Variants in DNAH14 observed in about 807,000 individuals in gnomAD.
The protein encoded by DNAH14 is dynein axonemal heavy chain 14.
A neutral mutation model predicts 520.9 loss-of-function variants in DNAH14; 478 were observed. The observed-to-expected ratio is 0.92, with a 90% CI of 0.85 to 0.99. The LOEUF is 0.99. DNAH14 is among the 50% of genes least tolerant of loss of function. DNAH14 has a pLI of 0.00. For missense variants in DNAH14, 4,831 were observed against 5,234.5 expected (o/e 0.92, Z 2.38); for synonymous variants, 1,581 against 1,757.2 (o/e 0.90, Z 2.51).
At chr1:225,374,997 T>TAGTAGCTTTC (rs1453172818) in intron 78 of DNAH14, 112 bp downstream of exon 78, 1 of 1,036,460 alleles carries the variant, frequency 9.6e-7, no homozygotes, top group Admixed American at 2.9e-5. Context: ...TAAAGGCTTT[T>TAGTAGCTTTC]AGTAGCTTTC....
intron 41 of DNAH14, among the ~76,000 whole-genome samples, chr1:225,229,978 A>G (rs1382134884): frequency 2.6e-5 from 4 of 152,196 alleles, no homozygotes; most frequent in Admixed American, 2.6e-4. Flanking sequence ...GAACACTTAA[A>G]GGATCTGCAG....
intron 3 of DNAH14, among the ~76,000 whole-genome samples, chr1:224,957,783 C>A (rs1310737731): frequency 1.3e-5 from 2 of 151,982 alleles, no homozygotes; most frequent in Non-Finnish European, 2.9e-5. Flanking sequence ...CGTTCCAAAG[C>A]CAGACCAGAG....
At chr1:225,117,607 A>T (rs2076962764) in intron 23 of DNAH14, 77 bp from the exon 24 acceptor site, 2 of 872,930 alleles carry the variant, frequency 2.3e-6, no homozygotes, top group Admixed American at 2.4e-5. Context: ...GTTTGTAAGT[A>T]TAGGTCAAAA....
chr1:225,018,824 A>G (rs2065424989), intron 10 of DNAH14, among the ~76,000 whole-genome samples: 1 of 152,212 alleles, frequency 6.6e-6, no homozygotes, highest in Admixed American at 6.5e-5. Context: ...CAAAGGAGAA[A>G]TGAAATCCTT....
intron 64 of DNAH14, among the ~76,000 whole-genome samples, chr1:225,329,780 C>T (rs1240063834): frequency 2.0e-5 from 3 of 152,042 alleles, no homozygotes; most frequent in African/African-American, 7.2e-5. Flanking sequence ...CCACAGGTAA[C>T]CAAAGCAAAC....
intron 47 of DNAH14, among the ~76,000 whole-genome samples, chr1:225,264,603 G>T (rs2093049654): frequency 6.6e-6 from 1 of 152,088 alleles, no homozygotes; most frequent in Non-Finnish European, 1.5e-5. Context: ...AATAGAAAAG[G>T]TATGATTCTG....
chr1:225,301,931 C>T (rs10915812), intron 56 of DNAH14, among the ~76,000 whole-genome samples: 46,431 of 151,536 alleles, frequency 0.31, 8,016 homozygotes, highest in East Asian at 0.44. Flanking sequence ...TTTATCCTGA[C>T]AATTGTGGCA....
intron 21 of DNAH14, among the ~76,000 whole-genome samples, chr1:225,088,590 GA>G (rs1208798802): frequency 6.6e-5 from 10 of 152,114 alleles, no homozygotes; most frequent in Non-Finnish European, 1.2e-4. Context: ...GAGTGAGAGG[GA>G]GAAACAGAAA....
In DNAH14 at chr1:224,964,488, A is replaced by T; in HGVS notation, c.377A>T (p.Asp126Val). 1 of 1,608,848 alleles carries T rather than the reference A, an allele frequency of 6.2e-7. No homozygotes were observed. Residue 126 changes from aspartate (D) to valine (V), a missense_variant, in exon 5 of 86, where the codon GAT (aspartate) becomes GTT (valine). Transcript: ENST00000682510. The stretch of plus-strand genomic sequence containing the variant: ...AATTGTTCTATACCAGAACCAAAAG[A>T]TGATGATGTGATAAGAAATATTATT... ...PVSYDRTEPK[D>V]DDVIRNIIRL...
intron 1 of DNAH14, among the ~76,000 whole-genome samples, chr1:224,942,738 C>T: frequency 6.9e-6 from 1 of 144,790 alleles, no homozygotes; most frequent in Admixed American, 6.9e-5. Flanking sequence ...TTGTCAAAGG[C>T]CTTTTCACAT....
At chr1:225,111,397 C>A (rs1045700107) in intron 23 of DNAH14, among the ~76,000 whole-genome samples, 1 of 151,944 alleles carries the variant, frequency 6.6e-6, no homozygotes, top group East Asian at 1.9e-4. Context: ...CTTTCTTTGT[C>A]TTTTTATGGT....
intron 83 of DNAH14, among the ~76,000 whole-genome samples, chr1:225,391,212 A>T (rs570833211): frequency 2.6e-4 from 40 of 152,226 alleles, no homozygotes; most frequent in Non-Finnish European, 4.4e-4. Flanking sequence ...GAAACCACTG[A>T]AGTGTTCCAG....
chr1:225,049,997 C>T (rs1462211109), intron 15 of DNAH14, among the ~76,000 whole-genome samples: 2 of 152,162 alleles, frequency 1.3e-5, no homozygotes, highest in Non-Finnish European at 2.9e-5. Context: ...CCATCACCTC[C>T]ACTCAATTAC....
chr1:224,952,814 T>C (rs2060262606), intron 2 of DNAH14, 35 bp downstream of exon 2: 4 of 1,496,118 alleles, frequency 2.7e-6, no homozygotes, highest in Non-Finnish European at 3.6e-6. Context: ...AGTTTTTTTC[T>C]AAAGTAAGAT....
chr1:225,374,589 T>C, intron 77 of DNAH14, 99 bp from the exon 78 acceptor site: 1 of 1,087,316 alleles, frequency 9.2e-7, no homozygotes, highest in Non-Finnish European at 1.3e-6. Context: ...AAAGAGAAAA[T>C]ATATGTAGCT....
In DNAH14 at chr1:225,337,393, G is replaced by A. The variant is rs759516536; in HGVS notation, c.10208G>A (p.Arg3403His). 2.3e-5 allele frequency: 35 copies of A among 1,551,496 alleles called. No homozygotes were observed. The Middle Eastern group carries it at 5.0e-4, about 22-fold the overall frequency. The change falls in exon 67 of 86, where the codon CGT (arginine) becomes CAT (histidine). Residue 3403 changes from arginine to histidine, a missense_variant. By Grantham distance (29) the Arg-to-His change is conservative. Coordinates refer to ENST00000682510, the MANE Select transcript of DNAH14 (RefSeq NM_001367479.1). ...DPHRQAHKWI[R>H]QMEGSRLQKL... ...CATAGGCAAGCTCACAAATGGATCC[G>A]TCAGATGGAAGGATCCAGGCTGCAG...
chr1:225,101,805 G>C (rs2075488461), intron 23 of DNAH14, among the ~76,000 whole-genome samples: 1 of 152,028 alleles, frequency 6.6e-6, no homozygotes, highest in Non-Finnish European at 1.5e-5. Context: ...ATTGTGAATA[G>C]TGCTTCAATA....
chr1:225,082,126 A>G (rs2073194082), intron 19 of DNAH14, among the ~76,000 whole-genome samples: 1 of 149,656 alleles, frequency 6.7e-6, no homozygotes. Flanking sequence ...ATGTTAATTA[A>G]ATAAATAAAT....
At chr1:225,057,843 G>A (rs947543248) in intron 17 of DNAH14, among the ~76,000 whole-genome samples, 15 of 152,246 alleles carry the variant, frequency 9.9e-5, no homozygotes, top group South Asian at 6.2e-4. Flanking sequence ...ATTGATTTTC[G>A]TATGTTGAAA....
Sources: allele counts gnomAD v4.1 joint callset (sites outside exome capture counted in the v4.1 genomes callset), GRCh38; gene constraint gnomAD v4.1.1; transcripts MANE v1.5; gene names NCBI Gene and HGNC (gene_info 2026-07-23, HGNC 2026-07-21).